The following SPIRE1 variants were observed in gnomAD, a reference collection of about 807,000 sequenced individuals.
SPIRE1 encodes protein spire homolog 1.
In SPIRE1, 40 loss-of-function variants were observed where a neutral mutation model predicts 94.1. The observed-to-expected ratio is 0.43, with a 90% CI of 0.33 to 0.55. The LOEUF (loss-of-function observed/expected upper bound fraction) is 0.55. Ranked by LOEUF, SPIRE1 falls within the 20% of genes least tolerant of loss-of-function variation. The pLI, the probability that SPIRE1 is intolerant of heterozygous loss-of-function variation, is 0.06. For synonymous variants in SPIRE1, 376 were observed against 371.7 expected (o/e 1.01, Z -0.13); for missense variants, 838 against 975.2 (o/e 0.86, Z 1.87).
In SPIRE1 at chr18:12,554,704, C is replaced by T. The variant is rs1380990342; in HGVS notation, c.373-7800G>A. ...CACATCAAAAAAAGAAATCTACAGG[C>T]CAGTATCACTGATGAATATTAATGC... On this transcript the variant is annotated intron_variant, in intron 2 of 16. Transcript: ENST00000409402. Among the ~76,000 whole-genome samples, 9 of 152,252 alleles carry T rather than the reference C, an allele frequency of 5.9e-5. No homozygotes were observed. The East Asian group carries it at 1.7e-3, about 29-fold the overall frequency.
At chr18:12,633,002 CATTTT>C (rs944853384) in intron 2 of SPIRE1, among the ~76,000 whole-genome samples, 50 of 152,118 alleles carry the variant, frequency 3.3e-4, no homozygotes, top group African/African-American at 1.1e-3. Flanking sequence ...GTTTATGAAA[CATTTT>C]AATATATAGT....
chr18:12,649,373 C>A (rs2038313321), intron 1 of SPIRE1, among the ~76,000 whole-genome samples: 1 of 152,160 alleles, frequency 6.6e-6, no homozygotes, highest in Non-Finnish European at 1.5e-5. Context: ...CATACTACTG[C>A]ACTCCAGCCT....
At chr18:12,562,934 A>C (rs1484229199) in intron 2 of SPIRE1, among the ~76,000 whole-genome samples, 2 of 152,204 alleles carry the variant, frequency 1.3e-5, no homozygotes, top group African/African-American at 4.8e-5. Context: ...ACACCCATTA[A>C]ATTACATGAT....
intron 2 of SPIRE1, among the ~76,000 whole-genome samples, chr18:12,632,632 T>C (rs1050613433): frequency 6.6e-6 from 1 of 152,190 alleles, no homozygotes; most frequent in Non-Finnish European, 1.5e-5. Context: ...AAAATACCTA[T>C]TTTTCTGAAT....
intron 2 of SPIRE1, among the ~76,000 whole-genome samples, chr18:12,626,886 A>ATATATATATATATATAT (rs55915333): frequency 1.7e-4 from 19 of 111,894 alleles, no homozygotes; most frequent in Non-Finnish European, 2.8e-4. Context: ...ATATATATAT[A>ATATATATATATATATAT]TTTTTTTTTT....
chr18:12,618,210 T>C (rs938026125), intron 2 of SPIRE1, among the ~76,000 whole-genome samples: 1 of 152,142 alleles, frequency 6.6e-6, no homozygotes, highest in African/African-American at 2.4e-5. Context: ...CACGCCATTC[T>C]CCTGCCTCAG....
At chr18:12,531,181 T>C (rs1365357738) in intron 4 of SPIRE1, among the ~76,000 whole-genome samples, 1 of 152,188 alleles carries the variant, frequency 6.6e-6, no homozygotes, top group African/African-American at 2.4e-5. Flanking sequence ...ATTACAGGCA[T>C]GAGCCACTGT....
chr18:12,653,962 A>C (rs1478187791), intron 1 of SPIRE1, among the ~76,000 whole-genome samples: 4 of 151,796 alleles, frequency 2.6e-5, no homozygotes, highest in African/African-American at 9.7e-5. Flanking sequence ...AAAAAAAGAA[A>C]GAAAGAAACA....
intron 2 of SPIRE1, among the ~76,000 whole-genome samples, chr18:12,623,445 G>A (rs550424471): frequency 5.9e-5 from 9 of 151,828 alleles, no homozygotes; most frequent in Non-Finnish European, 1.0e-4. Context: ...AAGCCACTGC[G>A]CCTGGCCAAC....
At chr18:12,571,297 ACT>A (rs902813626) in intron 2 of SPIRE1, among the ~76,000 whole-genome samples, 6 of 151,718 alleles carry the variant, frequency 4.0e-5, no homozygotes, top group African/African-American at 1.5e-4. Flanking sequence ...CTGGTCTCAA[ACT>A]CTTGACCTCA....
intron 10 of SPIRE1, among the ~76,000 whole-genome samples, chr18:12,478,788 G>T (rs1487124740): frequency 1.3e-5 from 2 of 152,094 alleles, no homozygotes; most frequent in Non-Finnish European, 2.9e-5. Context: ...GCAGATGGGG[G>T]CTTGAGATGG....
At position 12,585,235 on chromosome 18, in the gene SPIRE1, T is replaced by C. The variant is rs1273640407; in HGVS notation, c.373-38331A>G. ...ACTTACACATACACATATATGTTTG[T>C]GTGACATACAGAATATTACAACACT... On this transcript the variant is annotated intron_variant, in intron 2 of 16. Transcript: ENST00000409402. 3.3e-5 allele frequency among the ~76,000 whole-genome samples: 5 copies of C among 152,340 alleles called. No individual in the cohort carries two copies. The East Asian group carries it at 9.6e-4, about 29-fold the overall frequency.
At chr18:12,576,138 G>C (rs898363822) in intron 2 of SPIRE1, among the ~76,000 whole-genome samples, 11 of 152,078 alleles carry the variant, frequency 7.2e-5, no homozygotes, top group Admixed American at 2.6e-4. Flanking sequence ...AGGAGGGAGA[G>C]GTTGCAGTGA....
intron 4 of SPIRE1, among the ~76,000 whole-genome samples, chr18:12,526,643 T>G (rs1182404925): frequency 6.6e-6 from 1 of 152,194 alleles, no homozygotes; most frequent in South Asian, 2.1e-4. Flanking sequence ...ACAGAGTAAG[T>G]ATGGAATAAA....
intron 2 of SPIRE1, among the ~76,000 whole-genome samples, chr18:12,574,492 C>G (rs1022591157): frequency 7.2e-5 from 11 of 152,076 alleles, no homozygotes; most frequent in Admixed American, 2.0e-4. Context: ...CTAGCTTGAG[C>G]TAGTAGGGAT....
chr18:12,527,996 G>A (rs1381207670), intron 4 of SPIRE1, among the ~76,000 whole-genome samples: 3 of 151,408 alleles, frequency 2.0e-5, no homozygotes, highest in East Asian at 1.9e-4. Flanking sequence ...AACCTGGGAG[G>A]TGGAGCTTGC....
chr18:12,554,404 A>G (rs1009750885), intron 2 of SPIRE1, among the ~76,000 whole-genome samples: 2 of 152,194 alleles, frequency 1.3e-5, no homozygotes, highest in Non-Finnish European at 2.9e-5. Flanking sequence ...GATGAAATGG[A>G]TAAATTCTTA....
intron 2 of SPIRE1, among the ~76,000 whole-genome samples, chr18:12,629,164 T>C (rs1016866074): frequency 2.4e-4 from 36 of 152,200 alleles, no homozygotes; most frequent in Non-Finnish European, 1.6e-4. Context: ...TTAACCTTCT[T>C]TCCTGCTGAA....
chr18:12,510,564 A>G (rs908216969), intron 5 of SPIRE1, among the ~76,000 whole-genome samples: 19 of 150,350 alleles, frequency 1.3e-4, no homozygotes, highest in African/African-American at 4.4e-4. Flanking sequence ...TTTTTTTGAG[A>G]CAGAGTCTCC....
Sources: allele counts gnomAD v4.1 joint callset (sites outside exome capture counted in the v4.1 genomes callset), GRCh38; gene constraint gnomAD v4.1.1; transcripts MANE v1.5; gene names NCBI Gene and HGNC (gene_info 2026-07-23, HGNC 2026-07-21).